Variants in FN1 observed in about 807,000 individuals in gnomAD.
FN1 encodes the protein fibronectin 1, also known as fibronectin.
In FN1, 106 loss-of-function variants were observed where a neutral mutation model predicts 297.3. The observed-to-expected ratio is 0.36, with a 90% confidence interval of 0.30 to 0.42. FN1 has a LOEUF of 0.42. Among genes scored for constraint, FN1 ranks in the 10% least tolerant of loss-of-function variants. The pLI, the probability that FN1 is intolerant of heterozygous loss-of-function variation, is 1.00. For missense variants in FN1, 2,690 were observed against 3,124.9 expected (o/e 0.86, Z 3.32); for synonymous variants, 1,149 against 1,152.6 (o/e 1.00, Z 0.06).
Position 215,404,666 on chromosome 2 carries a change from A to G in FN1, c.2987-11T>C. ...TGGGAGCATCCAGTTCTAGGAAAAA[A>G]GATGAAACATGCCAAGAAATATTTA... On this transcript the variant is annotated splice_polypyrimidine_tract_variant and intron_variant, in intron 19 of 45. Coordinates refer to ENST00000354785, the MANE Select transcript of FN1 (RefSeq NM_212482.4). 6.2e-7 allele frequency: 1 copy of G among 1,611,346 alleles called. No homozygotes were observed. Among genetic ancestry groups the G allele is most frequent in the African/African-American group, 1.3e-5 (1 of 75,014 alleles).
chr2:215,414,612 G>T, intron 13 of FN1: 1 of 1,077,646 alleles, frequency 9.3e-7, no homozygotes, highest in East Asian at 2.9e-5. Context: ...CCAAATACCA[G>T]CCCCCCCACC....
intron 12 of FN1, among the ~76,000 whole-genome samples, chr2:215,415,183 A>G (rs2063263568): frequency 6.6e-6 from 1 of 151,596 alleles, no homozygotes; most frequent in Non-Finnish European, 1.5e-5. Context: ...TGCAAATCAT[A>G]GTTGTTTATA....
chr2:215,399,739 G>A (rs766224266), intron 20 of FN1, among the ~76,000 whole-genome samples: 3 of 152,164 alleles, frequency 2.0e-5, no homozygotes, highest in Non-Finnish European at 2.9e-5. Context: ...TTTTATGATT[G>A]TTGGGATTTG....
rs76965052 is a variant in FN1 at position 215,382,089 on chromosome 2, G to A, written c.5164+123C>T. 1.4e-5 allele frequency: 10 copies of A among 706,626 alleles called. No individual in the cohort carries two copies. The African/African-American group carries it at 1.7e-4, about 12-fold the overall frequency. 43.8% of individuals were successfully genotyped at this position (706,626 alleles called of 1,614,324 possible). ...GATGTTCGTAAAGGGCTCAGCTCAAGACATAAACTAACCAACAAGTTCACT... is the reference window on the plus strand; with the variant it reads ...GATGTTCGTAAAGGGCTCAGCTCAAAACATAAACTAACCAACAAGTTCACT... On this transcript the variant is annotated intron_variant, in intron 32 of 45. Coordinates refer to ENST00000354785, the MANE Select transcript of FN1 (RefSeq NM_212482.4).
intron 27 of FN1, among the ~76,000 whole-genome samples, chr2:215,387,297 A>C (rs1249326804): frequency 1.3e-5 from 2 of 152,222 alleles, no homozygotes; most frequent in African/African-American, 4.8e-5. Flanking sequence ...GACATTTTCA[A>C]ATTCTTCAGT....
intron 21 of FN1, 100 bp from the exon 22 acceptor site, chr2:215,397,948 C>A (rs2060502894): frequency 1.0e-6 from 1 of 994,566 alleles, no homozygotes; most frequent in East Asian, 2.4e-5. Context: ...GTAAACTCTT[C>A]AGAAACTGCA....
rs980671671 is a variant in FN1 at position 215,408,382 on chromosome 2, G to A, written c.2344C>T (p.Pro782Ser). ...ATSVNIPDLL[P>S]GRKYIVNVYQ... is the part of the protein sequence containing the mutation. ...ACATTTACAATGTATTTTCGGCCAG[G>A]AAGCAGGTCAGGGATGTTCACAGAA... Residue 782 changes from proline (P) to serine (S), a missense_variant, in exon 16 of 46, where the codon CCT becomes TCT. Pro to Ser is a moderately conservative substitution (Grantham distance 74). Coordinates refer to ENST00000354785, the MANE Select transcript of FN1 (RefSeq NM_212482.4). The A allele has an allele frequency of 6.2e-7, 1 of 1,614,146 alleles. No individual in the cohort carries two copies. Among genetic ancestry groups the A allele is most frequent in the East Asian group, 2.2e-5 (1 of 44,872 alleles).
At chr2:215,427,273 C>T (rs1575830362) in intron 6 of FN1, among the ~76,000 whole-genome samples, 1 of 152,050 alleles carries the variant, frequency 6.6e-6, no homozygotes, top group African/African-American at 2.4e-5. Flanking sequence ...TTCATAAGTG[C>T]TCAAAGCAAG....
At chr2:215,369,614 T>C (rs1249825297) in intron 41 of FN1, among the ~76,000 whole-genome samples, 1 of 152,188 alleles carries the variant, frequency 6.6e-6, no homozygotes, top group African/African-American at 2.4e-5. Flanking sequence ...TTGGTGAATT[T>C]TCAGCTGCTG....
chr2:215,431,705 C>A (rs1275303271), intron 4 of FN1, 128 bp downstream of exon 4: 1 of 1,001,240 alleles, frequency 1.0e-6, no homozygotes, highest in Non-Finnish European at 1.6e-6. Context: ...TTATTTCAAA[C>A]AAAATTCCCA....
intron 25 of FN1, 117 bp from the exon 26 acceptor site, chr2:215,391,931 G>T: frequency 1.2e-6 from 1 of 848,560 alleles, no homozygotes; most frequent in Non-Finnish European, 1.9e-6. Flanking sequence ...TCATAATCAT[G>T]CAAACAGTCT....
At chr2:215,395,260 A>G (rs2060178655) in intron 23 of FN1, among the ~76,000 whole-genome samples, 2 of 152,200 alleles carry the variant, frequency 1.3e-5, no homozygotes, top group African/African-American at 4.8e-5. Flanking sequence ...GTGAGAAACA[A>G]AAGTGCTGAT....
intron 26 of FN1, among the ~76,000 whole-genome samples, chr2:215,390,984 G>A (rs1273149328): frequency 3.3e-5 from 5 of 152,182 alleles, no homozygotes; most frequent in African/African-American, 7.2e-5. Context: ...GCAGCCTACT[G>A]TTTTATTCTT....
intron 20 of FN1, among the ~76,000 whole-genome samples, chr2:215,400,924 T>C (rs1318233669): frequency 2.0e-5 from 3 of 151,322 alleles, no homozygotes; most frequent in Admixed American, 1.3e-4. Context: ...GACTCCCAAG[T>C]AGCTGGGACT....
At chr2:215,404,786 G>A (rs1319920052) in intron 19 of FN1, 131 bp from the exon 20 acceptor site, 5 of 847,740 alleles carry the variant, frequency 5.9e-6, no homozygotes, top group Non-Finnish European at 9.5e-6. Flanking sequence ...CAAAACCCTG[G>A]AAAAACTGAG....
intron 11 of FN1, among the ~76,000 whole-genome samples, chr2:215,420,146 C>T (rs920208404): frequency 6.6e-6 from 1 of 152,108 alleles, no homozygotes; most frequent in African/African-American, 2.4e-5. Context: ...TTGAGACCAG[C>T]CTGACCCACA....
chr2:215,391,237 CT>C (rs921254947), intron 26 of FN1, among the ~76,000 whole-genome samples: 2 of 152,106 alleles, frequency 1.3e-5, no homozygotes, highest in Non-Finnish European at 1.5e-5. Flanking sequence ...ACTGCTGACA[CT>C]TTTTTTATAA....
In FN1 at chr2:215,410,130, A is replaced by AACACACACACACAC; in HGVS notation, c.1942-30_1942-17dup. On this transcript the variant is annotated splice_polypyrimidine_tract_variant and intron_variant, in intron 13 of 45. Coordinates refer to ENST00000354785, the MANE Select transcript of FN1 (RefSeq NM_212482.4). ...CAGAATTTTTCTGAAAATTTAAATT[A>AACACACACACACAC]ACACACACACACACACACACACGTG... 7.0e-7 allele frequency: 1 copy of AACACACACACACAC among 1,423,004 alleles called. No individual in the cohort carries two copies. Among genetic ancestry groups the AACACACACACACAC allele is most frequent in the Non-Finnish European group, 9.7e-7 (1 of 1,035,530 alleles). The allele number at this position is 1,423,004 out of a possible 1,614,324, so 88.1% of individuals were successfully genotyped here. A position where few individuals can be genotyped will look rare whatever the true frequency, so the allele number is the denominator to read the frequency against.
chr2:215,383,558 G>C, intron 30 of FN1, 75 bp from the exon 31 acceptor site: 1 of 1,439,396 alleles, frequency 6.9e-7, no homozygotes, highest in Non-Finnish European at 9.8e-7. Flanking sequence ...CTCCTCTCTA[G>C]GTCTGGTACA....
Sources: gnomAD v4.1 joint callset for allele counts (sites outside exome capture counted in the v4.1 genomes callset) on GRCh38, gnomAD v4.1.1 for gene constraint, MANE v1.5 for transcripts, NCBI Gene and HGNC (gene_info 2026-07-23, HGNC 2026-07-21) for gene names.